The following DYNC1I2 variants were observed in gnomAD, a reference collection of about 807,000 sequenced individuals.
DYNC1I2 encodes the protein dynein cytoplasmic 1 intermediate chain 2, also known as cytoplasmic dynein 1 intermediate chain 2.
DYNC1I2 carries 53 observed loss-of-function variants against 88.6 expected under a neutral mutation model. That is an observed-to-expected ratio of 0.60 (90% CI 0.48 to 0.75). DYNC1I2 has a LOEUF of 0.75. Ranked by LOEUF, DYNC1I2 falls within the 30% of genes least tolerant of loss-of-function variation. The pLI is 0.00. For missense variants in DYNC1I2, 458 were observed against 766.6 expected, an observed-to-expected ratio of 0.60 and a Z score of 4.75; for synonymous variants, 198 against 254.6, an observed-to-expected ratio of 0.78 and a Z score of 2.12.
At chr2:171,721,912 ATGTT>A (rs1443639964) in intron 7 of DYNC1I2, among the ~76,000 whole-genome samples, 4 of 152,196 alleles carry the variant, frequency 2.6e-5, no homozygotes, top group African/African-American at 9.6e-5. Flanking sequence ...ATAAGTAGCA[ATGTT>A]TGTTCAGTAA....
intron 3 of DYNC1I2, among the ~76,000 whole-genome samples, chr2:171,705,193 G>A (rs1044980820): frequency 5.9e-5 from 9 of 152,012 alleles, no homozygotes; most frequent in Non-Finnish European, 1.3e-4. Context: ...GGCTGTTAAT[G>A]TATCTGTTTA....
At chr2:171,692,678 C>A in intron 2 of DYNC1I2, 99 bp from the exon 3 acceptor site, 1 of 719,078 alleles carries the variant, frequency 1.4e-6, no homozygotes, top group Non-Finnish European at 2.2e-6. Flanking sequence ...TAAGTTCATG[C>A]CTTAAAAGTA....
At chr2:171,743,949 A>G (rs963521419) in intron 15 of DYNC1I2, 100 bp from the exon 16 acceptor site, 23 of 1,068,786 alleles carry the variant, frequency 2.2e-5, no homozygotes, top group Non-Finnish European at 2.4e-5. Context: ...AAATGTTATC[A>G]TACCTGTTGA....
chr2:171,739,103 T>TG (rs137902140), intron 15 of DYNC1I2, among the ~76,000 whole-genome samples: 65,426 of 119,820 alleles, frequency 0.55, 17,152 homozygotes, highest in East Asian at 0.71. Context: ...GCAACAAGAG[T>TG]GAAAAAAAAA....
At chr2:171,704,345 T>TG (rs979419646) in intron 3 of DYNC1I2, among the ~76,000 whole-genome samples, 17 of 151,282 alleles carry the variant, frequency 1.1e-4, no homozygotes, top group African/African-American at 3.2e-4. Context: ...TTTTTTTTTT[T>TG]CTTTTTTTTT....
At chr2:171,720,019 T>A (rs545246803) in intron 7 of DYNC1I2, among the ~76,000 whole-genome samples, 1 of 148,674 alleles carries the variant, frequency 6.7e-6, no homozygotes, top group East Asian at 2.0e-4. Flanking sequence ...CTTATTCACT[T>A]CTTCTGTATG....
At chr2:171,689,670 A>G in intron 1 of DYNC1I2, among the ~76,000 whole-genome samples, 1 of 152,012 alleles carries the variant, frequency 6.6e-6, no homozygotes, top group Middle Eastern at 3.4e-3. Context: ...ATTTGTTTAT[A>G]CATTTTTTAA....
intron 7 of DYNC1I2, among the ~76,000 whole-genome samples, chr2:171,721,107 A>G (rs908996744): frequency 7.2e-6 from 1 of 139,698 alleles, no homozygotes; most frequent in Non-Finnish European, 1.5e-5. Flanking sequence ...GGCACATAGC[A>G]AGACCCCATC....
intron 3 of DYNC1I2, 94 bp downstream of exon 3, chr2:171,692,988 A>G: frequency 1.1e-6 from 1 of 916,014 alleles, no homozygotes; most frequent in Non-Finnish European, 1.7e-6. Flanking sequence ...TATTTTACAT[A>G]TTTTCCTTGT....
intron 15 of DYNC1I2, among the ~76,000 whole-genome samples, chr2:171,739,817 T>C (rs1181824712): frequency 6.6e-6 from 1 of 151,118 alleles, no homozygotes; most frequent in Non-Finnish European, 1.5e-5. Context: ...GTGATTCTTA[T>C]GCCTCAGCCT....
intron 3 of DYNC1I2, among the ~76,000 whole-genome samples, chr2:171,694,049 T>G (rs1010667891): frequency 2.0e-5 from 3 of 151,824 alleles, no homozygotes; most frequent in Non-Finnish European, 2.9e-5. Context: ...CTTCTTTTTT[T>G]TTTTTTGAGG....
rs200066710 is a variant in DYNC1I2, at chr2:171,749,842, AAG to A, written c.*1957_*1958del. Among the ~76,000 whole-genome samples, 2,794 of 152,288 alleles carry A rather than the reference AAG, an allele frequency of 0.018. 54 individuals carry two copies. The highest frequency in any genetic ancestry group is 0.067 in the Admixed American group (1,025 of 15,296). On this transcript the variant is annotated 3_prime_UTR_variant, in exon 18 of 18. Coordinates refer to ENST00000397119, the MANE Select transcript of DYNC1I2 (RefSeq NM_001378.3). ...TTTAAAGTTGACTATATAATAGCAA[AAG>A]AGAAAGTATTGAGACTGTCAGTGTT...
chr2:171,722,515 A>G (rs983977885), intron 7 of DYNC1I2, among the ~76,000 whole-genome samples: 1 of 152,148 alleles, frequency 6.6e-6, no homozygotes, highest in Non-Finnish European at 1.5e-5. Context: ...GCTCTGTTAC[A>G]GTCTTTTCCA....
intron 3 of DYNC1I2, among the ~76,000 whole-genome samples, chr2:171,703,600 A>G (rs1241953721): frequency 6.6e-6 from 1 of 152,114 alleles, no homozygotes. Flanking sequence ...AAGGAGAATA[A>G]AGGAAATGAA....
rs146915908 is a variant in DYNC1I2 at position 171,724,215 on chromosome 2, G to A, written c.512-1403G>A. Reference sequence around the variant, plus strand: ...TGTGCATTATACAGTGTCATTTAAAGCTTTCTTTCCACAGGTACAGTTATA... The same window carrying A: ...TGTGCATTATACAGTGTCATTTAAAACTTTCTTTCCACAGGTACAGTTATA... On this transcript the variant is annotated intron_variant, in intron 7 of 17. Transcript: ENST00000397119. Among the ~76,000 whole-genome samples the A allele has an allele frequency of 1.6e-4, 25 of 152,304 alleles. 1 individual carries two copies. The East Asian group carries it at 4.6e-3, about 28-fold the overall frequency.
intron 15 of DYNC1I2, among the ~76,000 whole-genome samples, chr2:171,741,896 A>T (rs1689453558): frequency 6.6e-6 from 1 of 152,000 alleles, no homozygotes; most frequent in Admixed American, 6.6e-5. Context: ...AGCCTGGCCA[A>T]CATGGTGAAA....
chr2:171,699,406 A>G (rs529599602), intron 3 of DYNC1I2, among the ~76,000 whole-genome samples: 12 of 152,264 alleles, frequency 7.9e-5, no homozygotes, highest in Non-Finnish European at 1.8e-4. Flanking sequence ...TATACTATCC[A>G]TGTTCATTGG....
At position 171,695,142 on chromosome 2, in the gene DYNC1I2, C is replaced by A. The variant is rs375865430; in HGVS notation, c.226+2248C>A. Among the ~76,000 whole-genome samples, 59 of 152,068 alleles carry A rather than the reference C, an allele frequency of 3.9e-4. 1 individual carries two copies. The highest frequency in any genetic ancestry group is 1.4e-3 in the African/African-American group (58 of 41,474). ...TGAGACGGAGTCTTGCCCTGTCGCC[C>A]AGGCTGTAGTGCAATCACGTGATCT... is the stretch of plus-strand genomic sequence containing the variant. On this transcript the variant is annotated intron_variant, in intron 3 of 17. Transcript: ENST00000397119.
chr2:171,721,341 A>T lies in DYNC1I2; in HGVS notation c.512-4277A>T, dbSNP rs1472870763. 2.6e-4 allele frequency among the ~76,000 whole-genome samples: 39 copies of T among 152,046 alleles called. 1 individual carries two copies. Among genetic ancestry groups the T allele is most frequent in the Admixed American group, 2.6e-3 (39 of 15,268 alleles). ...CTTGCATCTTATTCTAGATGGTGTA[A>T]AAAAAGAAAGGGAATGGATTCCATT... On this transcript the variant is annotated intron_variant, in intron 7 of 17. Coordinates refer to ENST00000397119, the MANE Select transcript of DYNC1I2 (RefSeq NM_001378.3).
Sources: allele counts gnomAD v4.1 joint callset (sites outside exome capture counted in the v4.1 genomes callset), GRCh38; gene constraint gnomAD v4.1.1; transcripts MANE v1.5; gene names NCBI Gene and HGNC (gene_info 2026-07-23, HGNC 2026-07-21).